The following FGF14 variants were observed in gnomAD, a reference collection of about 807,000 sequenced individuals.
FGF14 encodes the protein fibroblast growth factor 14, also known as fibroblast growth factor homologous factor 4.
FGF14 carries 5 observed loss-of-function variants against 25.5 expected under a neutral mutation model. The observed-to-expected ratio is 0.20, with a 90% CI of 0.10 to 0.41. The LOEUF (loss-of-function observed/expected upper bound fraction) is 0.41. FGF14 is among the 10% of genes least tolerant of loss of function. The pLI is 1.00. For synonymous variants in FGF14, 138 were observed against 118.3 expected (o/e 1.17, Z -1.08); for missense variants, 222 against 320.1 (o/e 0.69, Z 2.34).
chr13:102,198,050 C>T (rs2049443044), intron 1 of FGF14, among the ~76,000 whole-genome samples: 1 of 152,196 alleles, frequency 6.6e-6, no homozygotes, highest in African/African-American at 2.4e-5. Flanking sequence ...CTCTTTCCTC[C>T]TCTCCCAGCT....
At chr13:102,167,737 A>T (rs539388540) in intron 1 of FGF14, among the ~76,000 whole-genome samples, 11 of 151,794 alleles carry the variant, frequency 7.2e-5, no homozygotes, top group Non-Finnish European at 1.6e-4. Flanking sequence ...AAGCCTTGAG[A>T]TTTGAAAAAT....
chr13:101,955,794 C>T (rs182751744), intron 1 of FGF14, among the ~76,000 whole-genome samples: 4 of 152,322 alleles, frequency 2.6e-5, no homozygotes, highest in African/African-American at 7.2e-5. Context: ...GGAAGAGACA[C>T]TTGATGAAGA....
At chr13:102,379,039 T>G (rs897123827) in intron 1 of FGF14, among the ~76,000 whole-genome samples, 15 of 152,254 alleles carry the variant, frequency 9.9e-5, no homozygotes, top group African/African-American at 3.4e-4. Context: ...ACATAAAAGA[T>G]TGAGCTTTTT....
rs140074647 is a variant in FGF14, at chr13:102,039,905, G to A, written c.209-164609C>T. On this transcript the variant is annotated intron_variant, in intron 1 of 4. Coordinates refer to the FGF14 transcript ENST00000376131. ...AGTTTTCTTCCTGTAATTCTGCTTCGAGGCTCATCACTCTGCAGCCTAAAA... is the reference window on the plus strand; with the variant it reads ...AGTTTTCTTCCTGTAATTCTGCTTCAAGGCTCATCACTCTGCAGCCTAAAA... Among the ~76,000 whole-genome samples, 159 of 151,854 alleles carry A rather than the reference G, an allele frequency of 1.0e-3. 4 individuals are homozygous for A. Among genetic ancestry groups the A allele is most frequent in the African/African-American group, 3.6e-3 (149 of 41,384 alleles).
chr13:102,349,767 T>C, intron 1 of FGF14, among the ~76,000 whole-genome samples: 1 of 152,208 alleles, frequency 6.6e-6, no homozygotes, highest in East Asian at 1.9e-4. Context: ...AACCCATGGG[T>C]TTAGGTTAAA....
intron 1 of FGF14, among the ~76,000 whole-genome samples, chr13:102,134,923 C>A (rs976622266): frequency 1.3e-5 from 2 of 151,892 alleles, no homozygotes; most frequent in African/African-American, 4.8e-5. Flanking sequence ...GTGGCTCATG[C>A]CTATAATCCC....
chr13:102,036,126 A>G (rs572653690), intron 1 of FGF14, among the ~76,000 whole-genome samples: 1 of 152,286 alleles, frequency 6.6e-6, no homozygotes, highest in East Asian at 1.9e-4. Context: ...ATGTGTTTTC[A>G]CAAGCCCTTC....
intron 1 of FGF14, among the ~76,000 whole-genome samples, chr13:102,037,152 T>C (rs1373418552): frequency 1.3e-5 from 2 of 152,164 alleles, no homozygotes; most frequent in East Asian, 1.9e-4. Flanking sequence ...TAGATTTTAT[T>C]ATGAAGGTAT....
chr13:102,212,760 C>A (rs1250006350), intron 1 of FGF14, among the ~76,000 whole-genome samples: 1 of 152,104 alleles, frequency 6.6e-6, no homozygotes, highest in Non-Finnish European at 1.5e-5. Flanking sequence ...TTACAGATAT[C>A]CTGACATTAC....
intron 1 of FGF14, among the ~76,000 whole-genome samples, chr13:102,093,741 T>C (rs1327636885): frequency 6.6e-6 from 1 of 151,826 alleles, no homozygotes; most frequent in Non-Finnish European, 1.5e-5. Flanking sequence ...TTGCTTGGTA[T>C]GTATTACAGA....
intron 1 of FGF14, among the ~76,000 whole-genome samples, chr13:101,934,689 C>CA (rs2034985184): frequency 6.6e-6 from 1 of 152,180 alleles, no homozygotes; most frequent in Non-Finnish European, 1.5e-5. Context: ...ATCCCATGCA[C>CA]AATTTTAGGG....
At chr13:102,074,292 C>T (rs372010383) in intron 1 of FGF14, among the ~76,000 whole-genome samples, 1 of 152,324 alleles carries the variant, frequency 6.6e-6, no homozygotes, top group African/African-American at 2.4e-5. Context: ...GGATTATAGG[C>T]ATGAGCCACC....
intron 1 of FGF14, among the ~76,000 whole-genome samples, chr13:102,390,769 T>C (rs2058413869): frequency 6.6e-6 from 1 of 152,192 alleles, no homozygotes; most frequent in African/African-American, 2.4e-5. Flanking sequence ...GGATTCAAAA[T>C]AATTCAGAAC....
chr13:102,203,991 A>G (rs2049789302), intron 1 of FGF14, among the ~76,000 whole-genome samples: 1 of 152,226 alleles, frequency 6.6e-6, no homozygotes, highest in Non-Finnish European at 1.5e-5. Flanking sequence ...ATGACCAGGT[A>G]CTATAGATGG....
intron 3 of FGF14, among the ~76,000 whole-genome samples, chr13:101,824,461 T>C (rs2042306602): frequency 2.6e-5 from 4 of 152,220 alleles, no homozygotes; most frequent in Admixed American, 2.6e-4. Context: ...CTCTCCTTTC[T>C]TGAGATGATG....
In FGF14 at chr13:102,236,803, C is replaced by A. The variant is rs578020138; in HGVS notation, c.208+164668G>T. Among the ~76,000 whole-genome samples the A allele has an allele frequency of 2.0e-5, 3 of 152,296 alleles. 1 individual carries two copies. The East Asian group carries it at 5.8e-4, about 29-fold the overall frequency. On this transcript the variant is annotated intron_variant, in intron 1 of 4. Coordinates refer to the FGF14 transcript ENST00000376131. ...GTCCACATGGACATAGGATGCGGAA[C>A]CCTCATTTGCATCATCAGCCTAGAG...
At chr13:102,355,608 G>A (rs1375477614) in intron 1 of FGF14, among the ~76,000 whole-genome samples, 1 of 150,130 alleles carries the variant, frequency 6.7e-6, no homozygotes, top group Admixed American at 6.7e-5. Context: ...AACACAATCT[G>A]CCCTTCCCAT....
chr13:102,287,864 ATCG>A (rs1437496960), intron 1 of FGF14, among the ~76,000 whole-genome samples: 1 of 152,172 alleles, frequency 6.6e-6, no homozygotes, highest in Non-Finnish European at 1.5e-5. Context: ...AAACTCTCTA[ATCG>A]TCTTCTTATT....
chr13:102,044,311 T>A (rs1201596345), intron 1 of FGF14, among the ~76,000 whole-genome samples: 1 of 152,072 alleles, frequency 6.6e-6, no homozygotes, highest in Non-Finnish European at 1.5e-5. Flanking sequence ...AGATAACTGA[T>A]TCCTTTCCTA....
Sources: allele counts gnomAD v4.1 joint callset (sites outside exome capture counted in the v4.1 genomes callset), GRCh38; gene constraint gnomAD v4.1.1; transcripts MANE v1.5; gene names NCBI Gene and HGNC (gene_info 2026-07-23, HGNC 2026-07-21).